ABCA1: variants seen among roughly 807,000 people sequenced by gnomAD.
ABCA1 encodes phospholipid-transporting ATPase ABCA1.
Under a neutral mutation model 262.5 loss-of-function variants are expected in ABCA1, and 133 were observed. The ratio of observed to expected loss-of-function variants is 0.51; its 90% CI spans 0.44 to 0.59. The LOEUF is 0.59. Ranked by LOEUF, ABCA1 falls within the 20% of genes least tolerant of loss-of-function variation. ABCA1 has a pLI of 0.00. For missense variants in ABCA1, 2,452 were observed against 2,777.5 expected, an observed-to-expected ratio of 0.88 and a Z score of 2.63; for synonymous variants, 1,022 against 1,043.5, an observed-to-expected ratio of 0.98 and a Z score of 0.40.
intron 21 of ABCA1, 60 bp downstream of exon 21, chr9:104,819,867 C>G: frequency 6.2e-7 from 1 of 1,608,922 alleles, no homozygotes; most frequent in South Asian, 1.1e-5. Context: ...GATTTTCCTC[C>G]GCATGTGTGT....
chr9:104,801,604 C>T (rs554959701), intron 34 of ABCA1, among the ~76,000 whole-genome samples: 23 of 152,146 alleles, frequency 1.5e-4, no homozygotes, highest in African/African-American at 5.3e-4. Flanking sequence ...TGCAACGGTG[C>T]GATCTTGGCT....
intron 4 of ABCA1, among the ~76,000 whole-genome samples, chr9:104,883,798 C>T (rs530612834): frequency 6.6e-6 from 1 of 152,330 alleles, no homozygotes; most frequent in South Asian, 2.1e-4. Flanking sequence ...TCCTAACTCA[C>T]ATCACGGTCC....
chr9:104,846,862 G>A (rs1182137454), intron 7 of ABCA1, among the ~76,000 whole-genome samples: 2 of 152,150 alleles, frequency 1.3e-5, no homozygotes, highest in Non-Finnish European at 2.9e-5. Flanking sequence ...TCCATAGAGA[G>A]TAATTCATGA....
intron 7 of ABCA1, chr9:104,855,549 T>C (rs1186569146): frequency 5.0e-6 from 5 of 996,638 alleles, no homozygotes; most frequent in African/African-American, 1.6e-5. Context: ...ACATAATTTC[T>C]ACTACTCATG....
intron 2 of ABCA1, among the ~76,000 whole-genome samples, chr9:104,897,334 C>A (rs561207737): frequency 2.6e-5 from 4 of 152,278 alleles, no homozygotes; most frequent in African/African-American, 9.6e-5. Context: ...GACATCTGAT[C>A]AGACACTTCA....
At chr9:104,850,034 T>A (rs1264580546) in intron 7 of ABCA1, among the ~76,000 whole-genome samples, 1 of 152,230 alleles carries the variant, frequency 6.6e-6, no homozygotes, top group Non-Finnish European at 1.5e-5. Context: ...AGAGGTGGCA[T>A]CAGCTGTACC....
At chr9:104,863,199 T>C (rs1011639045) in intron 5 of ABCA1, among the ~76,000 whole-genome samples, 2 of 152,136 alleles carry the variant, frequency 1.3e-5, no homozygotes, top group Non-Finnish European at 2.9e-5. Context: ...GAACCTCAAT[T>C]TCTTGATCTC....
intron 2 of ABCA1, among the ~76,000 whole-genome samples, chr9:104,898,909 G>A (rs577156208): frequency 7.2e-5 from 11 of 152,180 alleles, no homozygotes; most frequent in East Asian, 5.8e-4. Context: ...ATAGTTTGCC[G>A]GATTTTTTCC....
intron 1 of ABCA1, among the ~76,000 whole-genome samples, chr9:104,906,706 T>C (rs1841169416): frequency 6.6e-6 from 1 of 150,520 alleles, no homozygotes; most frequent in Non-Finnish European, 1.5e-5. Context: ...CAAAGGGACA[T>C]TTCCACATCA....
intron 2 of ABCA1, among the ~76,000 whole-genome samples, chr9:104,889,678 T>C (rs1332498128): frequency 6.6e-6 from 1 of 152,170 alleles, no homozygotes; most frequent in Non-Finnish European, 1.5e-5. Flanking sequence ...GCCAGGTATG[T>C]GGTGACTATG....
chr9:104,898,867 A>G (rs924297983), intron 2 of ABCA1, among the ~76,000 whole-genome samples: 3 of 152,168 alleles, frequency 2.0e-5, no homozygotes, highest in African/African-American at 7.2e-5. Context: ...TGAAATCCCT[A>G]CCCACACCTG....
At chr9:104,870,970 T>C (rs1379645821) in intron 5 of ABCA1, among the ~76,000 whole-genome samples, 1 of 152,116 alleles carries the variant, frequency 6.6e-6, no homozygotes, top group East Asian at 1.9e-4. Context: ...TGGTGGAACG[T>C]CATCAGTTAA....
intron 47 of ABCA1, 118 bp downstream of exon 47, chr9:104,786,755 G>A (rs950482925): frequency 3.9e-5 from 37 of 954,440 alleles, no homozygotes; most frequent in Middle Eastern, 4.2e-4. Flanking sequence ...ATAATTTCAG[G>A]TAATAATTGT....
intron 9 of ABCA1, among the ~76,000 whole-genome samples, chr9:104,839,679 T>G (rs1438302717): frequency 2.0e-5 from 3 of 152,154 alleles, no homozygotes; most frequent in Non-Finnish European, 4.4e-5. Flanking sequence ...ATTGTATATA[T>G]TTAAGGTATA....
At chr9:104,786,525 G>A in intron 47 of ABCA1, 135 bp from the exon 48 acceptor site, 1 of 812,832 alleles carries the variant, frequency 1.2e-6, no homozygotes, top group Non-Finnish European at 2.1e-6. Flanking sequence ...TAGGGATGAT[G>A]CTGTTCAGTG....
chr9:104,827,364 G>A (rs368869087), intron 15 of ABCA1, among the ~76,000 whole-genome samples, 195 bp from the exon 16 acceptor site: 14 of 152,190 alleles, frequency 9.2e-5, no homozygotes, highest in African/African-American at 1.7e-4. Flanking sequence ...CCAAAACTAC[G>A]CAGAAAAATA....
At chr9:104,811,240 C>T (rs1478032679) in intron 28 of ABCA1, among the ~76,000 whole-genome samples, 1 of 152,222 alleles carries the variant, frequency 6.6e-6, no homozygotes, top group Non-Finnish European at 1.5e-5. Flanking sequence ...GGGTCCTGCC[C>T]TTCCTCCTCC....
In ABCA1 at chr9:104,845,465, G is replaced by A. The variant is rs1247371944; in HGVS notation, c.813+12C>T. The A allele has an allele frequency of 5.0e-6, 8 of 1,604,006 alleles. No homozygotes were observed. Among genetic ancestry groups the A allele is most frequent in the Non-Finnish European group, 5.1e-6 (6 of 1,171,184 alleles). On this transcript the variant is annotated intron_variant, in intron 8 of 49. Coordinates refer to ENST00000374736, the MANE Select transcript of ABCA1 (RefSeq NM_005502.4). ...ATGATCCGCTTCCTGGTACTGGAAA[G>A]ACACAACTTACCTCCTGGGCCAGAG...
chr9:104,800,076 C>G, intron 35 of ABCA1, 88 bp from the exon 36 acceptor site: 1 of 1,459,824 alleles, frequency 6.9e-7, no homozygotes, highest in South Asian at 1.1e-5. Context: ...GCCCATAAAC[C>G]TCAGAAAGAA....
Sources: gnomAD v4.1 joint callset for allele counts (sites outside exome capture counted in the v4.1 genomes callset) on GRCh38, gnomAD v4.1.1 for gene constraint, MANE v1.5 for transcripts, NCBI Gene and HGNC (gene_info 2026-07-23, HGNC 2026-07-21) for gene names.